Variants in PFKFB3 observed in about 807,000 individuals in gnomAD.
PFKFB3 encodes the protein 6-phosphofructo-2-kinase/fructose-2,6-biphosphatase 3.
Under a neutral mutation model 68.0 loss-of-function variants are expected in PFKFB3, and 33 were observed. The ratio of observed to expected loss-of-function variants is 0.49; its 90% CI spans 0.37 to 0.65. PFKFB3 has a LOEUF of 0.65. Ranked by LOEUF, PFKFB3 falls within the 30% of genes least tolerant of loss-of-function variation. The probability of loss-of-function intolerance (pLI) is 0.00; values close to 1 mark genes in which losing one functional copy is unlikely to be tolerated. For synonymous variants in PFKFB3, 315 were observed against 288.2 expected (o/e 1.09, Z -0.94); for missense variants, 586 against 712.2 (o/e 0.82, Z 2.02).
chr10:6,294,295 A>T, the PFKFB3 span: 1 of 488,534 alleles, frequency 2.0e-6, no homozygotes, highest in Non-Finnish European at 4.1e-6. Context: ...CTGTTAATAA[A>T]GACATACCTG....
intron 1 of PFKFB3, among the ~76,000 whole-genome samples, chr10:6,207,304 G>C (rs139596951): frequency 1.3e-5 from 2 of 152,218 alleles, no homozygotes; most frequent in Admixed American, 6.5e-5. Flanking sequence ...CAGGCGTGGC[G>C]GCGCCTCCTG....
chr10:6,156,180 G>T (rs1841785144), intron 1 of PFKFB3, among the ~76,000 whole-genome samples: 1 of 138,678 alleles, frequency 7.2e-6, no homozygotes, highest in Admixed American at 7.1e-5. Context: ...TAGAGGCAGG[G>T]TTGTGATCTG....
At chr10:6,247,864 A>G (rs553458554) in intron 14 of PFKFB3, among the ~76,000 whole-genome samples, 2 of 152,386 alleles carry the variant, frequency 1.3e-5, no homozygotes, top group African/African-American at 4.8e-5. Flanking sequence ...ATCCCATGAA[A>G]TCTTCCCCAC....
intron 1 of PFKFB3, among the ~76,000 whole-genome samples, chr10:6,148,615 G>A (rs114804127): frequency 1.3e-5 from 2 of 152,178 alleles, no homozygotes; most frequent in Non-Finnish European, 2.9e-5. Flanking sequence ...AGAAGGAGAA[G>A]TTAGTATCTT....
At chr10:6,150,393 G>A (rs1841535472) in intron 1 of PFKFB3, among the ~76,000 whole-genome samples, 1 of 152,154 alleles carries the variant, frequency 6.6e-6, no homozygotes, top group Non-Finnish European at 1.5e-5. Context: ...GCTGAGTAAG[G>A]TCAGAGGATT....
chr10:6,166,821 C>CTTTTTTTTTTTT (rs144747290), intron 1 of PFKFB3, among the ~76,000 whole-genome samples: 5 of 95,272 alleles, frequency 5.2e-5, no homozygotes, highest in Non-Finnish European at 6.4e-5. Context: ...CCTTCTTCTT[C>CTTTTTTTTTTTT]TTTTTTTTTT....
At chr10:6,316,255 G>T in the PFKFB3 span, among the ~76,000 whole-genome samples, 2 of 152,006 alleles carry the variant, frequency 1.3e-5, no homozygotes, top group South Asian at 2.1e-4. Context: ...GCTCCTTCCC[G>T]ATCTGCCTGG....
upstream of PFKFB3, among the ~76,000 whole-genome samples, chr10:6,199,982 A>G (rs1843283461): frequency 6.6e-6 from 1 of 151,812 alleles, no homozygotes; most frequent in Non-Finnish European, 1.5e-5. Context: ...TGAGTCTCCT[A>G]GGGAGCTAGC....
At chr10:6,268,450 C>A in the PFKFB3 span, among the ~76,000 whole-genome samples, 5 of 151,556 alleles carry the variant, frequency 3.3e-5, no homozygotes, top group Non-Finnish European at 5.9e-5. Context: ...CATGGAGAAA[C>A]CCCATCTCTA....
At position 6,221,637 on chromosome 10, in the gene PFKFB3, G is replaced by T. The variant is rs540713631; in HGVS notation, c.979-4G>T. ...TCCCCTGAGTGACCACTGGGTCCCC[G>T]CAGGGCGTCTGTGAGGAGCTGACCT... On this transcript the variant is annotated splice_region_variant and splice_polypyrimidine_tract_variant and intron_variant, in intron 9 of 14. Coordinates refer to ENST00000379775, the MANE Select transcript of PFKFB3 (RefSeq NM_004566.4). The T allele has an allele frequency of 1.2e-6, 2 of 1,609,802 alleles. No individual in the cohort carries two copies. Among genetic ancestry groups the T allele is most frequent in the Non-Finnish European group, 1.7e-6 (2 of 1,178,218 alleles).
intron 1 of PFKFB3, among the ~76,000 whole-genome samples, chr10:6,172,247 T>C (rs2131746920): frequency 6.6e-6 from 1 of 152,316 alleles, no homozygotes; most frequent in East Asian, 1.9e-4. Flanking sequence ...CAAGGTGTGG[T>C]GCAGCCTGAG....
chr10:6,186,928 T>TA (rs1315650077), intron 1 of PFKFB3, among the ~76,000 whole-genome samples: 1 of 152,192 alleles, frequency 6.6e-6, no homozygotes, highest in African/African-American at 2.4e-5. Flanking sequence ...GCTTCCTCAG[T>TA]AGCAGAATCC....
At chr10:6,231,592 C>T in intron 14 of PFKFB3, 1 of 985,310 alleles carries the variant, frequency 1.0e-6, no homozygotes. Context: ...AAGCTGTGGG[C>T]TGGTGGTGTT....
chr10:6,189,532 T>G (rs79845410), intron 1 of PFKFB3, among the ~76,000 whole-genome samples: 6 of 87,554 alleles, frequency 6.9e-5, no homozygotes, highest in East Asian at 6.7e-4. Flanking sequence ...TTTTTTTTTT[T>G]GGGAGACAGT....
downstream of PFKFB3, among the ~76,000 whole-genome samples, chr10:6,237,138 G>A (rs1268430371): frequency 1.3e-5 from 2 of 152,172 alleles, no homozygotes; most frequent in African/African-American, 2.4e-5. Context: ...GGTTCTCCCC[G>A]ACACTTCCTC....
At chr10:6,285,972 G>GTTTTTTTTTTTTT in the PFKFB3 span, among the ~76,000 whole-genome samples, 1 of 89,044 alleles carries the variant, frequency 1.1e-5, no homozygotes, top group Non-Finnish European at 2.0e-5. Context: ...TCCTTTCACT[G>GTTTTTTTTTTTTT]TTTTTTTTTT....
intron 1 of PFKFB3, among the ~76,000 whole-genome samples, chr10:6,153,486 C>T (rs185925492): frequency 1.3e-5 from 2 of 152,098 alleles, no homozygotes; most frequent in Non-Finnish European, 2.9e-5. Context: ...TGGTGACCTC[C>T]CTGGGTTGGT....
chr10:6,201,743 A>G (rs1283910140), upstream of PFKFB3, among the ~76,000 whole-genome samples: 1 of 151,872 alleles, frequency 6.6e-6, no homozygotes, highest in East Asian at 1.9e-4. The surrounding 1 kb of genome is among the most constrained non-coding windows in gnomAD (Gnocchi z 4.1). Flanking sequence ...CCTCAGCGCT[A>G]AGTGTGCACC....
intron 1 of PFKFB3, among the ~76,000 whole-genome samples, chr10:6,211,559 G>A (rs1844232517): frequency 6.6e-6 from 1 of 152,190 alleles, no homozygotes; most frequent in Non-Finnish European, 1.5e-5. Flanking sequence ...TGGGCACGGT[G>A]GGGTGTGCCT....
Sources: gnomAD v4.1 joint callset for allele counts (sites outside exome capture counted in the v4.1 genomes callset) on GRCh38, gnomAD v4.1.1 for gene constraint, Gnocchi (gnomAD v3.1) non-coding constraint, MANE v1.5 for transcripts, NCBI Gene and HGNC (gene_info 2026-07-23, HGNC 2026-07-21) for gene names.